Variants in SNTG1 observed in about 807,000 individuals in gnomAD.
SNTG1 encodes gamma-1-syntrophin.
A neutral mutation model predicts 74.7 loss-of-function variants in SNTG1; 39 were observed. That is an observed-to-expected ratio of 0.52 (90% CI 0.40 to 0.68). The LOEUF is 0.68. SNTG1 is among the 30% of genes least tolerant of loss of function. The probability of loss-of-function intolerance (pLI) is 0.00; values close to 1 mark genes in which losing one functional copy is unlikely to be tolerated. For synonymous variants in SNTG1, 254 were observed against 217.1 expected, an observed-to-expected ratio of 1.17 and a Z score of -1.49; for missense variants, 685 against 609.5, an observed-to-expected ratio of 1.12 and a Z score of -1.30.
intron 15 of SNTG1, among the ~76,000 whole-genome samples, chr8:50,700,257 A>G (rs901035828): frequency 6.6e-6 from 1 of 152,204 alleles, no homozygotes; most frequent in African/African-American, 2.4e-5. Flanking sequence ...TATATATATT[A>G]TTACTTGCAT....
chr8:50,293,690 G>A (rs1347197918), intron 2 of SNTG1, among the ~76,000 whole-genome samples: 6 of 152,020 alleles, frequency 3.9e-5, no homozygotes, highest in South Asian at 2.1e-4. Flanking sequence ...GATTACAGGC[G>A]TGAGCCACTG....
intron 2 of SNTG1, among the ~76,000 whole-genome samples, chr8:50,268,651 T>G (rs958830495): frequency 8.5e-6 from 1 of 117,304 alleles, no homozygotes; most frequent in African/African-American, 2.6e-5. Context: ...TCATACATAT[T>G]CAATTTTTTT....
At chr8:50,062,210 A>G (rs1029559500) in intron 1 of SNTG1, among the ~76,000 whole-genome samples, 4 of 151,870 alleles carry the variant, frequency 2.6e-5, no homozygotes, top group Non-Finnish European at 2.9e-5. Flanking sequence ...CTCCTGGCTA[A>G]TTTTTGTATT....
chr8:50,340,834 T>G (rs146915457), intron 2 of SNTG1, among the ~76,000 whole-genome samples: 2 of 151,972 alleles, frequency 1.3e-5, no homozygotes, highest in Non-Finnish European at 2.9e-5. Context: ...TTTTTGTCTG[T>G]ACATTATCTC....
At chr8:50,043,224 T>C (rs1295941254) in intron 1 of SNTG1, among the ~76,000 whole-genome samples, 1 of 152,194 alleles carries the variant, frequency 6.6e-6, no homozygotes, top group South Asian at 2.1e-4. Context: ...CGAGTCTATA[T>C]TAGCAAGTCT....
chr8:49,982,603 C>CAAAAA (rs33971834), intron 1 of SNTG1, among the ~76,000 whole-genome samples: 2 of 126,296 alleles, frequency 1.6e-5, no homozygotes, highest in Non-Finnish European at 3.3e-5. Context: ...GAGGCTGAAG[C>CAAAAA]AAAAAAAAAA....
At chr8:50,640,721 G>A (rs1453640858) in intron 13 of SNTG1, among the ~76,000 whole-genome samples, 1 of 152,012 alleles carries the variant, frequency 6.6e-6, no homozygotes, top group African/African-American at 2.4e-5. Flanking sequence ...CTCTTGATCT[G>A]CTCTTCTTTG....
chr8:50,119,585 T>G (rs2080929433), intron 1 of SNTG1, among the ~76,000 whole-genome samples: 1 of 142,326 alleles, frequency 7.0e-6, no homozygotes, highest in East Asian at 2.0e-4. Flanking sequence ...AATTAATTAA[T>G]TTATATAAAT....
intron 1 of SNTG1, among the ~76,000 whole-genome samples, chr8:50,135,762 A>AT (rs768461454): frequency 1.3e-5 from 2 of 151,964 alleles, no homozygotes; most frequent in Non-Finnish European, 2.9e-5. Flanking sequence ...TGTATGTTTA[A>AT]TTTTTTAAAT....
At chr8:50,045,797 C>T (rs1283659614) in intron 1 of SNTG1, among the ~76,000 whole-genome samples, 1 of 152,172 alleles carries the variant, frequency 6.6e-6, no homozygotes, top group African/African-American at 2.4e-5. Flanking sequence ...ATAAAAGAGA[C>T]ACAAAGATGT....
intron 1 of SNTG1, among the ~76,000 whole-genome samples, chr8:49,936,956 C>T (rs141252112): frequency 0.012 from 1,781 of 152,232 alleles, 33 homozygotes; most frequent in African/African-American, 0.04. Flanking sequence ...CCAGACCAGC[C>T]TGGTCAACAT....
intron 3 of SNTG1, among the ~76,000 whole-genome samples, chr8:50,400,412 T>C (rs964066499): frequency 6.6e-6 from 1 of 152,226 alleles, no homozygotes; most frequent in Non-Finnish European, 1.5e-5. Flanking sequence ...CATTCATGTG[T>C]TGATGGGCAT....
At chr8:50,221,333 A>G (rs2085054210) in intron 2 of SNTG1, among the ~76,000 whole-genome samples, 1 of 152,148 alleles carries the variant, frequency 6.6e-6, no homozygotes, top group Non-Finnish European at 1.5e-5. Context: ...GAGGGAAAAA[A>G]TAGTTACAAT....
chr8:50,028,107 G>A (rs1817423217), intron 1 of SNTG1, among the ~76,000 whole-genome samples: 1 of 152,090 alleles, frequency 6.6e-6, no homozygotes, highest in Non-Finnish European at 1.5e-5. Flanking sequence ...AACAAAGAGT[G>A]TATATACACA....
intron 8 of SNTG1, among the ~76,000 whole-genome samples, chr8:50,467,452 C>A (rs1373581322): frequency 6.6e-6 from 1 of 151,762 alleles, no homozygotes; most frequent in Non-Finnish European, 1.5e-5. Flanking sequence ...CCTCTATTAG[C>A]CTTTTGGTAT....
intron 1 of SNTG1, among the ~76,000 whole-genome samples, chr8:49,923,867 G>A (rs1183240338): frequency 6.6e-6 from 1 of 152,130 alleles, no homozygotes; most frequent in East Asian, 1.9e-4. Flanking sequence ...ATTATGGGAT[G>A]CAGCTGCAAG....
At chr8:50,593,663 A>G (rs1166554736) in intron 13 of SNTG1, among the ~76,000 whole-genome samples, 6 of 151,306 alleles carry the variant, frequency 4.0e-5, no homozygotes, top group Admixed American at 6.6e-5. Flanking sequence ...CATTTTTTCT[A>G]TGCATCTGGA....
intron 3 of SNTG1, among the ~76,000 whole-genome samples, chr8:50,395,713 G>A (rs1202192888): frequency 6.6e-6 from 1 of 151,898 alleles, no homozygotes; most frequent in African/African-American, 2.4e-5. Flanking sequence ...AGGTTTCACC[G>A]TGTTAGCCAG....
At chr8:50,602,107 T>C (rs2094779274) in intron 13 of SNTG1, among the ~76,000 whole-genome samples, 1 of 152,136 alleles carries the variant, frequency 6.6e-6, no homozygotes, top group Admixed American at 6.5e-5. Context: ...GGTTAGTCTA[T>C]TTACATTCAA....
Sources: gnomAD v4.1 joint callset for allele counts (sites outside exome capture counted in the v4.1 genomes callset) on GRCh38, gnomAD v4.1.1 for gene constraint, MANE v1.5 for transcripts, NCBI Gene and HGNC (gene_info 2026-07-23, HGNC 2026-07-21) for gene names.